Variants in EYS observed in about 807,000 individuals in gnomAD.
EYS encodes protein eyes shut homolog.
EYS carries 250 observed loss-of-function variants against 282.1 expected under a neutral mutation model. The observed-to-expected ratio is 0.89, with a 90% CI of 0.80 to 0.98. The LOEUF (loss-of-function observed/expected upper bound fraction) is 0.98, where lower values mean the gene tolerates loss of function less well. EYS is among the 50% of genes least tolerant of loss of function. EYS has a pLI of 0.00. For synonymous variants in EYS, 1,355 were observed against 1,282.9 expected, an observed-to-expected ratio of 1.06 and a Z score of -1.20; for missense variants, 4,016 against 3,709.0, an observed-to-expected ratio of 1.08 and a Z score of -2.15.
At chr6:64,801,001 A>G (rs2150007767) in intron 22 of EYS, among the ~76,000 whole-genome samples, 1 of 152,188 alleles carries the variant, frequency 6.6e-6, no homozygotes, top group South Asian at 2.1e-4. Flanking sequence ...TCTCATCTGA[A>G]TGAACTGTCT....
At chr6:65,027,314 C>G (rs1772452787) in intron 13 of EYS, among the ~76,000 whole-genome samples, 1 of 152,094 alleles carries the variant, frequency 6.6e-6, no homozygotes, top group African/African-American at 2.4e-5. Context: ...TGAACTAGTT[C>G]TAATAAACTT....
intron 12 of EYS, among the ~76,000 whole-genome samples, chr6:65,285,256 C>A (rs1052015698): frequency 3.3e-5 from 5 of 151,930 alleles, no homozygotes; most frequent in African/African-American, 1.2e-4. Flanking sequence ...TTGTATTTTG[C>A]AGCTATTTTA....
Position 65,369,571 on chromosome 6 carries a change from T to C in EYS, c.1299+14815A>G, listed in dbSNP as rs938552495. ...GTTCTCTAACTTTCATAAAGTTGTATGCATTTGATCTTTCCTTTTTTCTTA... is the reference window on the plus strand; with the variant it reads ...GTTCTCTAACTTTCATAAAGTTGTACGCATTTGATCTTTCCTTTTTTCTTA... On this transcript the variant is annotated intron_variant, in intron 8 of 42. Coordinates refer to ENST00000503581, the MANE Select transcript of EYS (RefSeq NM_001142800.2). 1.7e-4 allele frequency among the ~76,000 whole-genome samples: 26 copies of C among 151,394 alleles called. 1 individual carries two copies. The highest frequency in any genetic ancestry group is 4.3e-4 in the African/African-American group (18 of 41,452).
chr6:65,009,648 G>A (rs1312622685), intron 13 of EYS, among the ~76,000 whole-genome samples: 1 of 152,124 alleles, frequency 6.6e-6, no homozygotes, highest in Non-Finnish European at 1.5e-5. Flanking sequence ...CTCATACCTG[G>A]ACACTCTTGT....
intron 2 of EYS, among the ~76,000 whole-genome samples, chr6:65,557,332 A>T (rs1273110911): frequency 6.6e-6 from 1 of 152,162 alleles, no homozygotes; most frequent in African/African-American, 2.4e-5. Flanking sequence ...TGCAGGGTCC[A>T]GCCACTGCAT....
chr6:64,300,102 A>G (rs6454780), intron 30 of EYS, among the ~76,000 whole-genome samples: 108,922 of 152,068 alleles, frequency 0.72, 39,203 homozygotes, highest in African/African-American at 0.79. Context: ...TTCTTAGCCT[A>G]CCTGGTAATG....
At chr6:64,755,490 A>G (rs1772903487) in intron 22 of EYS, among the ~76,000 whole-genome samples, 1 of 44,356 alleles carries the variant, frequency 2.3e-5, no homozygotes, top group Non-Finnish European at 5.9e-5. Flanking sequence ...AATCTTGAGA[A>G]CATACATACA....
intron 15 of EYS, among the ~76,000 whole-genome samples, chr6:64,933,237 A>T (rs910504875): frequency 6.6e-6 from 1 of 152,082 alleles, no homozygotes; most frequent in African/African-American, 2.4e-5. Context: ...AAATTAAAAA[A>T]CAAATAGAAT....
chr6:64,861,279 C>T (rs1766228739), intron 19 of EYS, among the ~76,000 whole-genome samples: 1 of 152,236 alleles, frequency 6.6e-6, no homozygotes, highest in African/African-American at 2.4e-5. Flanking sequence ...CAGTGCTCCC[C>T]TGAGCATGCC....
chr6:64,026,977 TAGAG>T (rs957679943), intron 33 of EYS, among the ~76,000 whole-genome samples: 2 of 152,130 alleles, frequency 1.3e-5, no homozygotes, highest in African/African-American at 4.8e-5. Context: ...TGACCTCACT[TAGAG>T]AGATGTCACG....
intron 12 of EYS, among the ~76,000 whole-genome samples, chr6:65,241,344 G>C (rs903655271): frequency 1.3e-5 from 2 of 151,944 alleles, no homozygotes; most frequent in African/African-American, 4.8e-5. Flanking sequence ...TACACGCATA[G>C]CAACATTTTC....
At chr6:65,351,171 A>G (rs1465952230) in intron 9 of EYS, among the ~76,000 whole-genome samples, 1 of 151,792 alleles carries the variant, frequency 6.6e-6, no homozygotes, top group Admixed American at 6.6e-5. Flanking sequence ...GAAATTCAAA[A>G]TGAGTTTAAG....
intron 26 of EYS, among the ~76,000 whole-genome samples, chr6:64,575,244 G>A (rs766529341): frequency 6.6e-6 from 1 of 151,880 alleles, no homozygotes; most frequent in Non-Finnish European, 1.5e-5. Context: ...GTTTCTTCAG[G>A]ATTAAAATCC....
At chr6:63,899,488 ACTTT>A (rs1174042516) in intron 35 of EYS, among the ~76,000 whole-genome samples, 1 of 152,104 alleles carries the variant, frequency 6.6e-6, no homozygotes, top group Non-Finnish European at 1.5e-5. Context: ...TTCATTTTTA[ACTTT>A]CTTTTTCACA....
chr6:65,685,498 G>A (rs531777496), intron 1 of EYS, among the ~76,000 whole-genome samples: 3 of 151,976 alleles, frequency 2.0e-5, no homozygotes, highest in Non-Finnish European at 4.4e-5. Context: ...TAGACTTAAG[G>A]TTCAGCAAAA....
At chr6:64,262,167 A>T (rs796340528) in intron 30 of EYS, among the ~76,000 whole-genome samples, 24 of 152,222 alleles carry the variant, frequency 1.6e-4, no homozygotes, top group African/African-American at 5.3e-4. Flanking sequence ...TTATTTCAGA[A>T]GTGATTTTGT....
intron 5 of EYS, among the ~76,000 whole-genome samples, chr6:65,453,158 G>C (rs1449905323): frequency 6.6e-6 from 1 of 151,972 alleles, no homozygotes; most frequent in African/African-American, 2.4e-5. Flanking sequence ...ATTGTTCGAA[G>C]TCCATATACA....
intron 15 of EYS, among the ~76,000 whole-genome samples, chr6:64,916,048 A>G (rs1161234012): frequency 6.6e-6 from 1 of 152,192 alleles, no homozygotes. Context: ...TTGAAATAAC[A>G]TCACTGTAAA....
chr6:65,294,794 T>G (rs1022727216), intron 12 of EYS, among the ~76,000 whole-genome samples: 6 of 151,954 alleles, frequency 3.9e-5, no homozygotes, highest in African/African-American at 1.4e-4. Context: ...ATATATCTAT[T>G]TTCTAAGACA....
Sources: gnomAD v4.1 joint callset for allele counts (sites outside exome capture counted in the v4.1 genomes callset) on GRCh38, gnomAD v4.1.1 for gene constraint, MANE v1.5 for transcripts, NCBI Gene and HGNC (gene_info 2026-07-23, HGNC 2026-07-21) for gene names.